The following EYS variants were observed in gnomAD, a reference collection of about 807,000 sequenced individuals.
EYS encodes EGF-like photoreceptor maintenance factor, also known as protein eyes shut homolog.
EYS carries 250 observed loss-of-function variants against 282.1 expected under a neutral mutation model. The observed-to-expected ratio is 0.89, with a 90% CI of 0.80 to 0.98. The LOEUF is 0.98. Among genes scored for constraint, EYS ranks in the 50% least tolerant of loss-of-function variants. The pLI is 0.00. For synonymous variants in EYS, 1,355 were observed against 1,282.9 expected (o/e 1.06, Z -1.20); for missense variants, 4,016 against 3,709.0 (o/e 1.08, Z -2.15).
At chr6:65,548,713 C>A (rs1019701808) in intron 2 of EYS, among the ~76,000 whole-genome samples, 15 of 152,320 alleles carry the variant, frequency 9.8e-5, no homozygotes, top group African/African-American at 3.6e-4. Context: ...CTTCAATATT[C>A]TGCAACTGTT....
rs149542139 is a variant in EYS, at chr6:64,003,846, G to A, written c.6726-4663C>T. Among the ~76,000 whole-genome samples, 728 of 152,210 alleles carry A rather than the reference G, an allele frequency of 4.8e-3. 3 individuals carry two copies. The highest frequency in any genetic ancestry group is 0.017 in the African/African-American group (688 of 41,520). Reference sequence around the variant, plus strand: ...TCATGAGATCTGATAGTTTATAAAGGGCTTTTCCCCCTCTTTGCTCTTCAC... The same window carrying A: ...TCATGAGATCTGATAGTTTATAAAGAGCTTTTCCCCCTCTTTGCTCTTCAC... On this transcript the variant is annotated intron_variant, in intron 33 of 42. Coordinates refer to ENST00000503581, the MANE Select transcript of EYS (RefSeq NM_001142800.2).
At chr6:65,275,005 T>C (rs1367078118) in intron 12 of EYS, among the ~76,000 whole-genome samples, 2 of 152,032 alleles carry the variant, frequency 1.3e-5, no homozygotes, top group Non-Finnish European at 2.9e-5. Flanking sequence ...ATTTACCTAG[T>C]GATCTGAAAA....
chr6:64,204,827 A>C (rs4710468), intron 31 of EYS, among the ~76,000 whole-genome samples: 47,391 of 151,938 alleles, frequency 0.31, 7,443 homozygotes, highest in East Asian at 0.5. Flanking sequence ...TGAATATTTC[A>C]TTCTTGTGAA....
intron 41 of EYS, among the ~76,000 whole-genome samples, chr6:63,742,709 G>C (rs1769107225): frequency 6.6e-6 from 1 of 152,024 alleles, no homozygotes. Context: ...TGGACCAATG[G>C]TACCATCTCT....
At chr6:65,113,982 A>C (rs1483172260) in intron 12 of EYS, among the ~76,000 whole-genome samples, 6 of 152,086 alleles carry the variant, frequency 3.9e-5, no homozygotes, top group African/African-American at 1.4e-4. Flanking sequence ...CTAAGAAATC[A>C]GCATGAAAAT....
intron 1 of EYS, among the ~76,000 whole-genome samples, chr6:65,647,117 G>T (rs897949033): frequency 6.6e-6 from 1 of 151,930 alleles, no homozygotes; most frequent in Admixed American, 6.6e-5. Context: ...TAAATGCAAT[G>T]CTCATTAAAA....
At chr6:64,727,135 A>T (rs926021865) in intron 22 of EYS, among the ~76,000 whole-genome samples, 1 of 152,200 alleles carries the variant, frequency 6.6e-6, no homozygotes, top group Non-Finnish European at 1.5e-5. Flanking sequence ...AACAAATGTA[A>T]ATAAATAATT....
intron 26 of EYS, among the ~76,000 whole-genome samples, chr6:64,564,918 T>G (rs1433206172): frequency 6.6e-6 from 1 of 152,204 alleles, no homozygotes; most frequent in Non-Finnish European, 1.5e-5. Context: ...TGATGTATAC[T>G]ACCTGATTTT....
At chr6:64,557,215 CAT>C (rs1476975086) in intron 26 of EYS, among the ~76,000 whole-genome samples, 4 of 57,890 alleles carry the variant, frequency 6.9e-5, no homozygotes, top group African/African-American at 3.1e-4. Flanking sequence ...CACACACACA[CAT>C]ACACACACAC....
intron 25 of EYS, 60 bp from the exon 26 acceptor site, chr6:64,592,049 G>A (rs780221768): frequency 1.2e-4 from 146 of 1,263,854 alleles, no homozygotes; most frequent in Non-Finnish European, 1.5e-4. Flanking sequence ...AACCACTTTG[G>A]CACTGGGATA....
At chr6:64,888,919 C>T (rs904867733) in intron 18 of EYS, among the ~76,000 whole-genome samples, 5 of 151,994 alleles carry the variant, frequency 3.3e-5, no homozygotes, top group Admixed American at 2.0e-4. Flanking sequence ...TGATTTGTTT[C>T]ATACTGACAA....
intron 32 of EYS, among the ~76,000 whole-genome samples, chr6:64,079,800 C>T (rs1008724435): frequency 1.3e-5 from 2 of 151,784 alleles, no homozygotes; most frequent in Non-Finnish European, 2.9e-5. Context: ...TCAATTCCCA[C>T]CTATCAGAAT....
chr6:63,861,748 G>T (rs1173210987), intron 36 of EYS, among the ~76,000 whole-genome samples: 2 of 152,164 alleles, frequency 1.3e-5, no homozygotes, highest in Non-Finnish European at 2.9e-5. Context: ...CCTTATAAAA[G>T]AAACTCCAGG....
chr6:64,436,558 T>G (rs995771318), intron 27 of EYS, among the ~76,000 whole-genome samples: 4 of 151,780 alleles, frequency 2.6e-5, no homozygotes, highest in Non-Finnish European at 4.4e-5. Flanking sequence ...AAAAGCAACA[T>G]CCTCTACTAG....
chr6:63,999,581 G>A (rs1031772928), intron 33 of EYS, among the ~76,000 whole-genome samples: 12 of 152,128 alleles, frequency 7.9e-5, no homozygotes, highest in Non-Finnish European at 1.2e-4. Context: ...AAACTCCCTA[G>A]GTAGAATTTC....
intron 30 of EYS, among the ~76,000 whole-genome samples, chr6:64,232,198 T>C (rs2150338656): frequency 6.6e-6 from 1 of 152,316 alleles, no homozygotes; most frequent in Admixed American, 6.5e-5. Context: ...TTTTCATGAT[T>C]GAGCCTGACC....
At chr6:65,064,158 C>CATATATAAT (rs990641497) in intron 12 of EYS, among the ~76,000 whole-genome samples, 2 of 140,660 alleles carry the variant, frequency 1.4e-5, no homozygotes, top group African/African-American at 5.2e-5. Context: ...GTATATATAA[C>CATATATAAT]ATATATAATA....
chr6:64,882,005 A>T (rs769162529), intron 19 of EYS, among the ~76,000 whole-genome samples: 21 of 151,824 alleles, frequency 1.4e-4, no homozygotes, highest in Non-Finnish European at 2.2e-4. Context: ...CCAGCTTTTG[A>T]TAAAAGAGAA....
At chr6:63,789,502 T>A (rs953002965) in intron 37 of EYS, among the ~76,000 whole-genome samples, 8 of 150,818 alleles carry the variant, frequency 5.3e-5, no homozygotes, top group Non-Finnish European at 9.0e-5. Context: ...GATTAAAATC[T>A]CCTTTTGTCG....
Sources: gnomAD v4.1 joint callset for allele counts (sites outside exome capture counted in the v4.1 genomes callset) on GRCh38, gnomAD v4.1.1 for gene constraint, MANE v1.5 for transcripts, NCBI Gene and HGNC (gene_info 2026-07-23, HGNC 2026-07-21) for gene names.